The following ATF6 variants were observed in gnomAD, a reference collection of about 807,000 sequenced individuals.
The protein encoded by ATF6 is cyclic AMP-dependent transcription factor ATF-6 alpha.
Under a neutral mutation model 83.6 loss-of-function variants are expected in ATF6, and 53 were observed. That is an observed-to-expected ratio of 0.63 (90% CI 0.51 to 0.80). The LOEUF is 0.80. ATF6 is among the 30% of genes least tolerant of loss of function. The pLI is 0.00. For synonymous variants in ATF6, 288 were observed against 285.8 expected, an observed-to-expected ratio of 1.01 and a Z score of -0.08; for missense variants, 744 against 797.9, an observed-to-expected ratio of 0.93 and a Z score of 0.81.
At chr1:161,920,340 GC>G (rs1197844054) in intron 15 of ATF6, among the ~76,000 whole-genome samples, 1 of 107,450 alleles carries the variant, frequency 9.3e-6, no homozygotes, top group African/African-American at 3.6e-5. Flanking sequence ...TGTCGCCCAG[GC>G]TGGAGTGCAG....
In ATF6 at chr1:161,900,076, A is replaced by G. The variant is rs1017755279; in HGVS notation, c.1720-12220A>G. ...AACATTTATTGACTTAACTTACATC[A>G]CTACGACCACCATCACTTACTGATT... On this transcript the variant is annotated intron_variant, in intron 14 of 15. Coordinates refer to ENST00000367942, the MANE Select transcript of ATF6 (RefSeq NM_007348.4). Among the ~76,000 whole-genome samples the G allele has an allele frequency of 7.6e-4, 115 of 152,190 alleles. 1 individual carries two copies. The highest frequency in any genetic ancestry group is 2.6e-3 in the African/African-American group (109 of 41,526).
chr1:161,777,457 A>G (rs1241627571), intron 1 of ATF6, among the ~76,000 whole-genome samples: 2 of 152,202 alleles, frequency 1.3e-5, no homozygotes, highest in African/African-American at 4.8e-5. Flanking sequence ...GGAAATCATC[A>G]GAGCAGTTTC....
chr1:161,909,741 G>A (rs1293627264), intron 14 of ATF6, among the ~76,000 whole-genome samples: 2 of 152,108 alleles, frequency 1.3e-5, no homozygotes, highest in Admixed American at 6.6e-5. Context: ...CAGATCACGA[G>A]GTCAGGAGAT....
Position 161,912,305 on chromosome 1 carries a change from C to A in ATF6, c.1729C>A (p.Leu577Met). 1 of 1,602,852 alleles carries A rather than the reference C, an allele frequency of 6.2e-7. No individual in the cohort carries two copies. The highest frequency in any genetic ancestry group is 8.5e-7 in the Non-Finnish European group (1 of 1,174,948). ...TCTTTGTTAATTTTAGGATCACCTG[C>A]TGTTACCAGCTACCACCCATAACAA... is the stretch of plus-strand genomic sequence containing the variant. ...YVVSFRRDHL[L>M]LPATTHNKTT... The change falls in exon 15 of 16, where the codon CTG becomes ATG. Residue 577 changes from leucine (L) to methionine (M), a missense_variant. By Grantham distance (15) the Leu-to-Met change is conservative. Transcript: ENST00000367942.
chr1:161,771,099 T>C (rs1684379306), intron 1 of ATF6, among the ~76,000 whole-genome samples: 1 of 152,242 alleles, frequency 6.6e-6, no homozygotes, highest in Admixed American at 6.5e-5. Flanking sequence ...TCTTTTCATA[T>C]GCTTATTTGC....
At chr1:161,838,706 T>C (rs1686281251) in intron 9 of ATF6, among the ~76,000 whole-genome samples, 1 of 152,216 alleles carries the variant, frequency 6.6e-6, no homozygotes, top group African/African-American at 2.4e-5. Context: ...ATTGAATGAA[T>C]GAAAGAATCT....
At chr1:161,958,417 T>G in intron 15 of ATF6, 29 bp from the exon 16 acceptor site, 1 of 1,555,400 alleles carries the variant, frequency 6.4e-7, no homozygotes, top group Non-Finnish European at 8.7e-7. Context: ...TGTTGAATAT[T>G]TATTCTTTGT....
At chr1:161,885,759 A>T (rs919194033) in intron 14 of ATF6, among the ~76,000 whole-genome samples, 2 of 152,264 alleles carry the variant, frequency 1.3e-5, no homozygotes, top group African/African-American at 4.8e-5. Flanking sequence ...GCACTGTGCT[A>T]CCATAGACGG....
chr1:161,779,895 G>A (rs565046543), intron 2 of ATF6, among the ~76,000 whole-genome samples: 27 of 151,990 alleles, frequency 1.8e-4, no homozygotes, highest in Admixed American at 4.6e-4. Flanking sequence ...ATGCTATCAC[G>A]CCTGGCTAAT....
intron 13 of ATF6, among the ~76,000 whole-genome samples, chr1:161,862,842 C>T (rs1354420349): frequency 3.9e-5 from 6 of 152,088 alleles, no homozygotes; most frequent in African/African-American, 1.4e-4. Flanking sequence ...ATGACTTTTC[C>T]TCAGATTTAA....
intron 13 of ATF6, among the ~76,000 whole-genome samples, chr1:161,862,709 C>T (rs1188029953): frequency 6.6e-6 from 1 of 152,084 alleles, no homozygotes; most frequent in Non-Finnish European, 1.5e-5. Flanking sequence ...GGAGTGCCCA[C>T]TTGAGAAGTG....
chr1:161,775,896 GTATATA>G (rs35391250), intron 1 of ATF6, among the ~76,000 whole-genome samples: 1 of 149,802 alleles, frequency 6.7e-6, no homozygotes, highest in Non-Finnish European at 1.5e-5. Context: ...ATACATGTGT[GTATATA>G]TATATATATG....
chr1:161,796,660 C>G (rs1685027966), intron 6 of ATF6, among the ~76,000 whole-genome samples: 2 of 152,108 alleles, frequency 1.3e-5, no homozygotes, highest in African/African-American at 2.4e-5. Flanking sequence ...CAGCCTTTTT[C>G]CATCATGTAT....
At chr1:161,791,971 G>T (rs1684889388) in intron 5 of ATF6, among the ~76,000 whole-genome samples, 153 bp from the exon 6 acceptor site, 1 of 152,184 alleles carries the variant, frequency 6.6e-6, no homozygotes, top group South Asian at 2.1e-4. Context: ...AGTTCATTCA[G>T]GTATATGTAC....
intron 15 of ATF6, among the ~76,000 whole-genome samples, chr1:161,916,043 T>A (rs181572558): frequency 5.3e-5 from 8 of 152,312 alleles, no homozygotes; most frequent in Admixed American, 4.6e-4. Context: ...TGCTTCTACT[T>A]CCTTACCTCT....
In ATF6 at chr1:161,856,772, A is replaced by G. The variant is rs111395233; in HGVS notation, c.1534-3435A>G. 4.6e-3 allele frequency among the ~76,000 whole-genome samples: 698 copies of G among 152,272 alleles called. 10 individuals are homozygous for G. The highest frequency in any genetic ancestry group is 0.016 in the African/African-American group (681 of 41,554). On this transcript the variant is annotated intron_variant, in intron 12 of 15. Coordinates refer to ENST00000367942, the MANE Select transcript of ATF6 (RefSeq NM_007348.4). ...GGAACTTGTCATGTTTTTCTTTCCT[A>G]GTCATTAAATGAATAGAGCATTTAC...
At chr1:161,781,314 T>C (rs988612107) in intron 2 of ATF6, among the ~76,000 whole-genome samples, 1 of 152,156 alleles carries the variant, frequency 6.6e-6, no homozygotes, top group Non-Finnish European at 1.5e-5. Flanking sequence ...TAAAAAGTGG[T>C]GTTTTTTTTG....
At chr1:161,859,414 T>C (rs1686833158) in intron 12 of ATF6, among the ~76,000 whole-genome samples, 1 of 152,234 alleles carries the variant, frequency 6.6e-6, no homozygotes, top group African/African-American at 2.4e-5. Context: ...AGTCAAATAT[T>C]TAATTTTGTA....
At chr1:161,823,914 C>G (rs1414018031) in intron 9 of ATF6, among the ~76,000 whole-genome samples, 3 of 152,058 alleles carry the variant, frequency 2.0e-5, no homozygotes, top group Admixed American at 6.6e-5. Context: ...AGGGTATTTC[C>G]AGTTACTTGT....
Sources: gnomAD v4.1 joint callset for allele counts (sites outside exome capture counted in the v4.1 genomes callset) on GRCh38, gnomAD v4.1.1 for gene constraint, MANE v1.5 for transcripts, NCBI Gene and HGNC (gene_info 2026-07-23, HGNC 2026-07-21) for gene names.